Variants in NCKAP5 observed in about 807,000 individuals in gnomAD.
NCKAP5 encodes the protein nck-associated protein 5.
A neutral mutation model predicts 167.0 loss-of-function variants in NCKAP5; 92 were observed. The ratio of observed to expected loss-of-function variants is 0.55; its 90% CI spans 0.47 to 0.66. NCKAP5 has a LOEUF of 0.66. Among genes scored for constraint, NCKAP5 ranks in the 30% least tolerant of loss-of-function variants. The pLI, the probability that NCKAP5 is intolerant of heterozygous loss-of-function variation, is 0.00. For missense variants in NCKAP5, 2,378 were observed against 2,315.0 expected (o/e 1.03, Z -0.56); for synonymous variants, 891 against 877.4 (o/e 1.02, Z -0.27).
At chr2:133,518,456 G>A (rs964159753) in intron 2 of NCKAP5, among the ~76,000 whole-genome samples, 10 of 122,700 alleles carry the variant, frequency 8.1e-5, no homozygotes, top group African/African-American at 2.8e-4. Context: ...CCTGGTTCAC[G>A]CCATTCTCCT....
intron 6 of NCKAP5, among the ~76,000 whole-genome samples, chr2:133,061,816 T>C (rs933557440): frequency 1.3e-4 from 20 of 152,152 alleles, no homozygotes; most frequent in African/African-American, 4.8e-4. Context: ...CTGGTGGCTA[T>C]TGGGCCACTA....
chr2:132,746,440 G>A (rs928711733), intron 16 of NCKAP5, among the ~76,000 whole-genome samples: 2 of 151,854 alleles, frequency 1.3e-5, no homozygotes, highest in Non-Finnish European at 2.9e-5. Context: ...ACATCCAGAA[G>A]AAAATATCGG....
At chr2:132,822,871 T>G (rs1427043724) in intron 11 of NCKAP5, among the ~76,000 whole-genome samples, 1 of 152,112 alleles carries the variant, frequency 6.6e-6, no homozygotes, top group Non-Finnish European at 1.5e-5. Flanking sequence ...CAATCACAAC[T>G]TCTGGAAATG....
intron 5 of NCKAP5, 151 bp downstream of exon 5, chr2:133,213,565 T>A: frequency 1.4e-6 from 1 of 713,048 alleles, no homozygotes; most frequent in Non-Finnish European, 2.4e-6. Flanking sequence ...CAGAGCTGTA[T>A]AAATTCTATT....
chr2:133,143,662 A>G (rs1189033646), intron 5 of NCKAP5, among the ~76,000 whole-genome samples: 1 of 152,122 alleles, frequency 6.6e-6, no homozygotes, highest in East Asian at 1.9e-4. Context: ...GTGAAGGAAA[A>G]TAAGAGAGAG....
intron 3 of NCKAP5, among the ~76,000 whole-genome samples, chr2:133,422,365 GT>G (rs1450570108): frequency 2.0e-5 from 3 of 152,130 alleles, no homozygotes; most frequent in Non-Finnish European, 4.4e-5. Flanking sequence ...TGTTGTTGTT[GT>G]TTTTTTGTTT....
intron 5 of NCKAP5, among the ~76,000 whole-genome samples, chr2:133,203,708 G>A (rs2085812429): frequency 6.6e-6 from 1 of 152,106 alleles, no homozygotes; most frequent in Non-Finnish European, 1.5e-5. Flanking sequence ...CGGCAGTCCT[G>A]GAGTCAGCAG....
At chr2:133,344,407 C>CAAA (rs376699332) in intron 3 of NCKAP5, among the ~76,000 whole-genome samples, 2 of 90,218 alleles carry the variant, frequency 2.2e-5, no homozygotes, top group African/African-American at 7.2e-5. Context: ...AACTTTGTCT[C>CAAA]AAAAAAAAAA....
chr2:132,895,122 G>C (rs1444384435), intron 8 of NCKAP5, among the ~76,000 whole-genome samples: 2 of 151,976 alleles, frequency 1.3e-5, no homozygotes, highest in Admixed American at 6.6e-5. Flanking sequence ...ACAAGGTCAG[G>C]AGATGGAGAC....
chr2:133,633,643 A>G, the NCKAP5 span, among the ~76,000 whole-genome samples: 18,603 of 152,184 alleles, frequency 0.12, 2,315 homozygotes, highest in East Asian at 0.45. Context: ...AGCCCAGTGC[A>G]TCTACATCCC....
At position 132,705,267 on chromosome 2, in the gene NCKAP5, T is replaced by TAA. The variant is rs76708104; in HGVS notation, c.5713+20358_5713+20359dup. ...AATGTGTGGTAATTTCTCTCATCCT[T>TAA]AAAAAAAACCCTCTCCAGTGACCCC... On this transcript the variant is annotated intron_variant, in intron 19 of 19. Transcript: ENST00000409261. Among the ~76,000 whole-genome samples the TAA allele has an allele frequency of 5.3e-5, 8 of 151,758 alleles. 1 individual carries two copies. The highest frequency in any genetic ancestry group is 7.2e-5 in the African/African-American group (3 of 41,448).
intron 16 of NCKAP5, among the ~76,000 whole-genome samples, chr2:132,736,881 T>C (rs1331564367): frequency 6.6e-6 from 1 of 152,220 alleles, no homozygotes; most frequent in East Asian, 1.9e-4. Flanking sequence ...CACAGGGCCT[T>C]GCTAAGAAGT....
At chr2:133,249,991 C>T (rs1021547544) in intron 4 of NCKAP5, among the ~76,000 whole-genome samples, 5 of 47,464 alleles carry the variant, frequency 1.1e-4, no homozygotes, top group African/African-American at 2.8e-4. Flanking sequence ...AAGCCACCAC[C>T]AAGGGTTTTA....
At chr2:133,384,524 G>C (rs1015010092) in intron 3 of NCKAP5, among the ~76,000 whole-genome samples, 1 of 152,186 alleles carries the variant, frequency 6.6e-6, no homozygotes, top group African/African-American at 2.4e-5. Flanking sequence ...GCTTAGGACT[G>C]ACTTGGCAAT....
chr2:133,314,051 T>G (rs749583720), intron 3 of NCKAP5, among the ~76,000 whole-genome samples: 13 of 152,172 alleles, frequency 8.5e-5, no homozygotes, highest in Non-Finnish European at 1.5e-4. Context: ...TTCACTACAG[T>G]ATATCAGGAC....
At chr2:133,552,600 TG>T (rs1382736568) in intron 2 of NCKAP5, among the ~76,000 whole-genome samples, 3 of 75,170 alleles carry the variant, frequency 4.0e-5, no homozygotes, top group Non-Finnish European at 7.9e-5. Context: ...TGTGGTGGGG[TG>T]GGGGGAGGGG....
the NCKAP5 span, among the ~76,000 whole-genome samples, chr2:133,663,182 C>T: frequency 2.7e-5 from 4 of 150,284 alleles, no homozygotes; most frequent in Admixed American, 1.3e-4. Context: ...AGGAGAATGG[C>T]GTGAACCCGG....
intron 19 of NCKAP5, among the ~76,000 whole-genome samples, chr2:132,693,619 C>CCT (rs1371930367): frequency 3.6e-5 from 3 of 84,488 alleles, no homozygotes; most frequent in East Asian, 7.7e-4. Context: ...CCCACCCCGC[C>CCT]TTTTTTTTTT....
intron 6 of NCKAP5, among the ~76,000 whole-genome samples, chr2:133,095,576 G>A (rs2081320635): frequency 6.6e-6 from 1 of 152,222 alleles, no homozygotes; most frequent in Non-Finnish European, 1.5e-5. Flanking sequence ...GCAGCCCCCA[G>A]CCAAGCTTCA....
Sources: allele counts gnomAD v4.1 joint callset (sites outside exome capture counted in the v4.1 genomes callset), GRCh38; gene constraint gnomAD v4.1.1; transcripts MANE v1.5; gene names NCBI Gene and HGNC (gene_info 2026-07-23, HGNC 2026-07-21).